The following ZRANB1 variants were observed in gnomAD, a reference collection of about 807,000 sequenced individuals.
ZRANB1 encodes the protein ubiquitin thioesterase ZRANB1.
In ZRANB1, 16 loss-of-function variants were observed where a neutral mutation model predicts 80.5. The observed-to-expected ratio is 0.20, with a 90% confidence interval of 0.13 to 0.30. The LOEUF (loss-of-function observed/expected upper bound fraction) is 0.30. Among genes scored for constraint, ZRANB1 ranks in the 10% least tolerant of loss-of-function variants. The pLI is 1.00. For missense variants in ZRANB1, 576 were observed against 862.6 expected (o/e 0.67, Z 4.16); for synonymous variants, 291 against 293.1 (o/e 0.99, Z 0.07).
the ZRANB1 span, among the ~76,000 whole-genome samples, chr10:124,919,921 C>CT: frequency 0.014 from 877 of 61,902 alleles, 30 homozygotes; most frequent in African/African-American, 0.034. Context: ...CCCCCCCCCC[C>CT]TTTTTTTTTT....
chr10:124,982,075 C>CAT (rs34830484), intron 6 of ZRANB1, among the ~76,000 whole-genome samples: 145,226 of 152,258 alleles, frequency 0.95, 69,414 homozygotes, highest in Non-Finnish European at 0.99. Context: ...GGAAGAGTAA[C>CAT]GTGTTTTTAT....
chr10:124,923,975 A>G, the ZRANB1 span, among the ~76,000 whole-genome samples: 10 of 150,074 alleles, frequency 6.7e-5, no homozygotes, highest in East Asian at 1.2e-3. Flanking sequence ...TTTATTGTTC[A>G]TATATTGAGG....
chr10:124,938,403 G>A (rs1022058266), upstream of ZRANB1, among the ~76,000 whole-genome samples: 2 of 150,892 alleles, frequency 1.3e-5, no homozygotes, highest in African/African-American at 4.9e-5. Flanking sequence ...ATGGCTCACT[G>A]CAGCCTCAAG....
chr10:124,975,888 G>A (rs1218131613), intron 5 of ZRANB1, among the ~76,000 whole-genome samples: 1 of 152,158 alleles, frequency 6.6e-6, no homozygotes, highest in African/African-American at 2.4e-5. Context: ...TATAATCCCA[G>A]CTATTCAGGA....
intron 2 of ZRANB1, among the ~76,000 whole-genome samples, chr10:124,970,359 T>C (rs1468695381): frequency 6.6e-6 from 1 of 152,188 alleles, no homozygotes; most frequent in African/African-American, 2.4e-5. Context: ...CTGGCTCAAG[T>C]GATCCTCTCA....
At chr10:124,978,190 T>G (rs1021493960) in intron 5 of ZRANB1, among the ~76,000 whole-genome samples, 5 of 152,288 alleles carry the variant, frequency 3.3e-5, no homozygotes, top group African/African-American at 9.6e-5. Context: ...ATTAGGTTTG[T>G]CCACTGGGCC....
At position 124,986,395 on chromosome 10, in the gene ZRANB1, G is replaced by GTTGA. The variant is rs1211063860; in HGVS notation, c.*1405_*1408dup. The stretch of plus-strand genomic sequence containing the variant: ...ATTTGCTTGCTTCTTGTTTTGTTTA[G>GTTGA]TTGATAATGAAATGTGTACAACCTC... On this transcript the variant is annotated 3_prime_UTR_variant, in exon 9 of 9. Coordinates refer to ENST00000359653, the MANE Select transcript of ZRANB1 (RefSeq NM_017580.3). 1 of 151,976 alleles carries GTTGA rather than the reference G, an allele frequency of 6.6e-6. No homozygotes were observed. Among genetic ancestry groups the GTTGA allele is most frequent in the Non-Finnish European group, 1.5e-5 (1 of 67,962 alleles). The allele number at this position is 151,976 out of a possible 1,614,324, so 9.4% of individuals were successfully genotyped here. A position where few individuals can be genotyped will look rare whatever the true frequency, so the allele number is the denominator to read the frequency against.
intron 2 of ZRANB1, among the ~76,000 whole-genome samples, chr10:124,966,982 GT>G (rs1303420209): frequency 6.6e-6 from 1 of 152,164 alleles, no homozygotes; most frequent in African/African-American, 2.4e-5. Flanking sequence ...TCACAACAAT[GT>G]TTGACTCATC....
At chr10:124,966,297 T>G (rs1318448800) in intron 1 of ZRANB1, among the ~76,000 whole-genome samples, 4 of 152,002 alleles carry the variant, frequency 2.6e-5, no homozygotes, top group East Asian at 1.9e-4. Flanking sequence ...TTTCTCATAC[T>G]AGATTATTGA....
chr10:124,967,664 A>G (rs1478654011), intron 2 of ZRANB1, among the ~76,000 whole-genome samples: 1 of 152,154 alleles, frequency 6.6e-6, no homozygotes, highest in African/African-American at 2.4e-5. Context: ...GCAGAAGGGT[A>G]GCCATAGAAG....
upstream of ZRANB1, among the ~76,000 whole-genome samples, chr10:124,939,589 C>G (rs566673411): frequency 6.6e-6 from 1 of 152,224 alleles, no homozygotes; most frequent in African/African-American, 2.4e-5. Context: ...TGTTTAGTTG[C>G]ACCTACAAAC....
chr10:124,974,200 A>C lies in ZRANB1; in HGVS notation c.1229A>C (p.Glu410Ala), dbSNP rs1951853868. 1 of 1,614,166 alleles carries C rather than the reference A, an allele frequency of 6.2e-7. No individual in the cohort carries two copies. Among genetic ancestry groups the C allele is most frequent in the South Asian group, 1.1e-5 (1 of 91,082 alleles). ...ACATGTATTTAAATCCATCGTACAG[A>C]ATTAGAAGAAGAATCTCCAATTATT... Reference protein sequence around the residue: ...DEVLDRDVQKELEEESPIINW... With the variant: ...DEVLDRDVQKALEEESPIINW... The change falls in exon 5 of 9, where the codon GAA (glutamate) becomes GCA (alanine). Residue 410 changes from glutamate to alanine, a missense_variant and splice_region_variant. By Grantham distance (107) the Glu-to-Ala change is moderately radical. Transcript: ENST00000359653.
chr10:124,940,596 T>G, upstream of ZRANB1: 1 of 1,210,348 alleles, frequency 8.3e-7, no homozygotes, highest in Non-Finnish European at 1.1e-6. Flanking sequence ...TTTCTTATAG[T>G]GATTTTTTTT....
In ZRANB1 at chr10:124,984,782, T is replaced by C; in HGVS notation, c.1917T>C (p.Asn639=). ...TCATATTCCTCCAAAAGCTAGGTAA[T>C]GAGGAACAGCAAGAAAAACTGCTCA... ...VHFLSAQELG[N]EEQQEKLLRE... Residue 639 remains asparagine, a synonymous_variant, in exon 9 of 9, where the codon AAT becomes AAC. Transcript: ENST00000359653. The C allele has an allele frequency of 1.9e-6, 3 of 1,613,442 alleles. No individual in the cohort carries two copies. The highest frequency in any genetic ancestry group is 2.5e-6 in the Non-Finnish European group (3 of 1,179,590).
chr10:124,921,054 T>C, the ZRANB1 span, among the ~76,000 whole-genome samples: 7 of 152,234 alleles, frequency 4.6e-5, no homozygotes, highest in African/African-American at 1.4e-4. Context: ...GGTATGTTTA[T>C]ATGTATTATC....
chr10:124,977,711 G>GAAAAAAAAA (rs752296814), intron 5 of ZRANB1, among the ~76,000 whole-genome samples: 2 of 48,728 alleles, frequency 4.1e-5, no homozygotes, highest in Non-Finnish European at 8.2e-5. Context: ...ACCCTGCTAA[G>GAAAAAAAAA]AAAAAAAAAA....
intron 2 of ZRANB1, among the ~76,000 whole-genome samples, chr10:124,969,274 G>C (rs916309117): frequency 2.0e-5 from 3 of 152,198 alleles, no homozygotes; most frequent in African/African-American, 7.2e-5. Flanking sequence ...GGGACGTGTA[G>C]AACAACCCTG....
rs941098806 is a variant in ZRANB1, at chr10:124,966,443, A to C, written c.815-151A>C. The C allele has an allele frequency of 1.3e-5, 10 of 756,110 alleles. No individual in the cohort carries two copies. The Admixed American group carries it at 1.5e-4, about 11-fold the overall frequency. 46.8% of individuals were successfully genotyped at this position (756,110 alleles called of 1,614,324 possible). A position where few individuals can be genotyped will look rare whatever the true frequency, so the allele number is the denominator to read the frequency against. ...TTTTTAAAGGGAAAGGAAAAAACTT[A>C]TTTTCCTTACTCTTATAGGACATTT... On this transcript the variant is annotated intron_variant, in intron 1 of 8. Coordinates refer to ENST00000359653, the MANE Select transcript of ZRANB1 (RefSeq NM_017580.3).
intron 1 of ZRANB1, among the ~76,000 whole-genome samples, chr10:124,963,606 C>A (rs1951754826): frequency 1.1e-5 from 1 of 90,456 alleles, no homozygotes; most frequent in South Asian, 2.8e-4. Flanking sequence ...TTTTTCCCTG[C>A]ACTTCACTTT....
Sources: gnomAD v4.1 joint callset for allele counts (sites outside exome capture counted in the v4.1 genomes callset) on GRCh38, gnomAD v4.1.1 for gene constraint, MANE v1.5 for transcripts, NCBI Gene and HGNC (gene_info 2026-07-23, HGNC 2026-07-21) for gene names.